The following MACF1 variants were observed in gnomAD, a reference collection of about 807,000 sequenced individuals.
MACF1 encodes the protein microtubule-actin cross-linking factor 1.
A neutral mutation model predicts 854.8 loss-of-function variants in MACF1; 193 were observed. The observed-to-expected ratio is 0.23, with a 90% CI of 0.20 to 0.25. The LOEUF is 0.25. Among genes scored for constraint, MACF1 ranks in the 10% least tolerant of loss-of-function variants. The probability of loss-of-function intolerance (pLI) is 1.00; values close to 1 mark genes in which losing one functional copy is unlikely to be tolerated. For missense variants in MACF1, 7,722 were observed against 8,929.1 expected (o/e 0.86, Z 5.45); for synonymous variants, 3,185 against 3,226.7 (o/e 0.99, Z 0.44).
At chr1:39,412,679 T>C in intron 58 of MACF1, 1 of 1,613,976 alleles carries the variant, frequency 6.2e-7, no homozygotes, top group Non-Finnish European at 8.5e-7. Flanking sequence ...TCAGATTCAT[T>C]CCTAAATATT....
In MACF1 at chr1:39,411,493, G is replaced by T. The variant is rs371254726; in HGVS notation, c.15817-10881G>T. 5.6e-6 allele frequency: 9 copies of T among 1,613,638 alleles called. No individual in the cohort carries two copies. The African/African-American group carries it at 1.1e-4, about 19-fold the overall frequency. ...GCCAGCCAAGGACCAGTTGGCTACT[G>T]TTCCCAAGGATATACCCCTGGATTG... On this transcript the variant is annotated intron_variant, in intron 58 of 100. Transcript: ENST00000564288.
At chr1:39,245,188 T>G (rs958517885) in intron 2 of MACF1, among the ~76,000 whole-genome samples, 1 of 152,250 alleles carries the variant, frequency 6.6e-6, no homozygotes, top group Non-Finnish European at 1.5e-5. Flanking sequence ...AAATTAACTT[T>G]ACATTTCAAG....
At chr1:39,302,161 T>C (rs1226228377) in intron 22 of MACF1, among the ~76,000 whole-genome samples, 1 of 152,110 alleles carries the variant, frequency 6.6e-6, no homozygotes, top group African/African-American at 2.4e-5. Flanking sequence ...TATACCCGGC[T>C]AATTTTTGTT....
In MACF1 at chr1:39,314,455, A is replaced by G. The variant is rs543929449; in HGVS notation, c.3271-1058A>G. 5.8e-4 allele frequency among the ~76,000 whole-genome samples: 88 copies of G among 151,296 alleles called. 1 individual carries two copies. The highest frequency in any genetic ancestry group is 2.1e-3 in the African/African-American group (87 of 41,262). ...TATATTTACAAATATATATATGCATACACACACACACACGTGTTACATATA... is the reference window on the plus strand; with the variant it reads ...TATATTTACAAATATATATATGCATGCACACACACACACGTGTTACATATA... On this transcript the variant is annotated intron_variant, in intron 26 of 100. Coordinates refer to ENST00000564288, the MANE Select transcript of MACF1 (RefSeq NM_001394062.1).
In MACF1 at chr1:39,336,501, G is replaced by C; in HGVS notation, c.9913G>C (p.Val3305Leu). Residue 3305 changes from valine to leucine, a missense_variant, in exon 37 of 101, where the codon GTG (valine) becomes CTG (leucine). By Grantham distance (32) the Val-to-Leu change is conservative. Around this residue, in one of 15 missense-constraint regions of MACF1, gnomAD observed 854 missense variants for 852.6 expected, o/e 1.00. Transcript: ENST00000564288. ...TCTAGAGACCAGTGAAGAAAAGACAGTGTCCCTAACAGTATGCTCTGCAGT... is the reference window on the plus strand; with the variant it reads ...TCTAGAGACCAGTGAAGAAAAGACACTGTCCCTAACAGTATGCTCTGCAGT... The part of the protein sequence containing the change: ...TVLETSEEKT[V>L]SLTVCSAVKT... 3 of 1,614,170 alleles carry C rather than the reference G, an allele frequency of 1.9e-6. No individual in the cohort carries two copies. Among genetic ancestry groups the C allele is most frequent in the Non-Finnish European group, 2.5e-6 (3 of 1,180,026 alleles).
intron 58 of MACF1, chr1:39,410,263 AG>A: frequency 6.4e-7 from 1 of 1,556,672 alleles, no homozygotes. Context: ...TGATTGAAAA[AG>A]GATGGGTAAG....
chr1:39,439,704 C>T, intron 72 of MACF1, among the ~76,000 whole-genome samples: 1 of 152,200 alleles, frequency 6.6e-6, no homozygotes, highest in Admixed American at 6.5e-5. Flanking sequence ...CTTCCAGGTT[C>T]AAGTGGTTCT....
chr1:39,186,832 A>C (rs1644180130), intron 2 of MACF1, among the ~76,000 whole-genome samples: 1 of 150,568 alleles, frequency 6.6e-6, no homozygotes, highest in Admixed American at 6.6e-5. Flanking sequence ...CTAGTCTCAA[A>C]CTCCTGGCCT....
Position 39,387,459 on chromosome 1 carries a change from C to T in MACF1, c.14617C>T (p.Leu4873=), listed in dbSNP as rs780296133. 2.5e-5 allele frequency: 41 copies of T among 1,614,006 alleles called. No homozygotes were observed. The highest frequency in any genetic ancestry group is 3.5e-5 in the Non-Finnish European group (41 of 1,180,038). Residue 4873 remains leucine (L), a synonymous_variant, in exon 58 of 101, where the codon CTA becomes TTA. Coordinates refer to ENST00000564288, the MANE Select transcript of MACF1 (RefSeq NM_001394062.1). The stretch of plus-strand genomic sequence containing the variant: ...ACCTCCTGGAGAAGAGAAAAGGACT[C>T]TACAAAACCAGTTGGTTGAGCTCAA... The part of the protein sequence containing the change: ...SVPPGEEKRT[L]QNQLVELKNH...
intron 2 of MACF1, among the ~76,000 whole-genome samples, chr1:39,135,394 A>G (rs1196008514): frequency 6.6e-6 from 1 of 152,044 alleles, no homozygotes; most frequent in Non-Finnish European, 1.5e-5. Context: ...TTACAGGTGC[A>G]TGCTACCATG....
chr1:39,119,036 T>C (rs1167124584), intron 2 of MACF1, among the ~76,000 whole-genome samples: 1 of 152,116 alleles, frequency 6.6e-6, no homozygotes, highest in Non-Finnish European at 1.5e-5. Context: ...ATAACAAGTG[T>C]TATAGGCCAC....
intron 14 of MACF1, among the ~76,000 whole-genome samples, chr1:39,286,099 G>A (rs1401538663): frequency 2.0e-5 from 3 of 151,798 alleles, no homozygotes; most frequent in African/African-American, 7.3e-5. Flanking sequence ...CTGCAGCCTC[G>A]ACTTCCTGGG....
At chr1:39,255,359 T>C (rs749137783) in intron 5 of MACF1, among the ~76,000 whole-genome samples, 10 of 152,058 alleles carry the variant, frequency 6.6e-5, no homozygotes, top group Non-Finnish European at 1.5e-4. Context: ...GATACAGAGA[T>C]GGTTTGTGGT....
rs1439730021 is a variant in MACF1, at chr1:39,205,090, C to T, written c.68C>T (p.Ala23Val). Residue 23 changes from alanine (A) to valine (V), a missense_variant, in exon 1 of 101, where the codon GCT becomes GTT. Physicochemically the swap from Ala to Val is moderately conservative, Grantham distance 64 (BLOSUM62 0). Coordinates refer to ENST00000564288, the MANE Select transcript of MACF1 (RefSeq NM_001394062.1). ...ATTTTGACTCACGTTCTTGGAGTTG[C>T]TGGTGTTCTATACTGGAAGAGGCAT... ...IFILTHVLGV[A>V]GVLYWKRHAR... The T allele has an allele frequency of 1.4e-6, 1 of 702,850 alleles. No individual in the cohort carries two copies. The highest frequency in any genetic ancestry group is 1.7e-5 in the African/African-American group (1 of 57,232). 43.5% of individuals were successfully genotyped at this position (702,850 alleles called of 1,614,324 possible). A position where few individuals can be genotyped will look rare whatever the true frequency, so the allele number is the denominator to read the frequency against.
chr1:39,181,011 T>C (rs1441179876), intron 2 of MACF1, among the ~76,000 whole-genome samples: 1 of 152,210 alleles, frequency 6.6e-6, no homozygotes, highest in Non-Finnish European at 1.5e-5. Flanking sequence ...GTTCAAGTGA[T>C]TCTTGTGCCA....
At chr1:39,116,883 C>G (rs1010200453) in intron 2 of MACF1, among the ~76,000 whole-genome samples, 6 of 152,116 alleles carry the variant, frequency 3.9e-5, no homozygotes, top group Non-Finnish European at 8.8e-5. Context: ...AACTCCAGGC[C>G]TAGCTTCTTC....
At chr1:39,375,736 T>C (rs777696037) in intron 52 of MACF1, among the ~76,000 whole-genome samples, 4 of 152,270 alleles carry the variant, frequency 2.6e-5, no homozygotes, top group Non-Finnish European at 5.9e-5. Context: ...TTTGATTGAA[T>C]TGAGCTAGAA....
Position 39,442,487 on chromosome 1 carries a change from C to G in MACF1, c.19024C>G (p.His6342Asp), listed in dbSNP as rs756356773. The G allele has an allele frequency of 6.2e-7, 1 of 1,614,210 alleles. No homozygotes were observed. The highest frequency in any genetic ancestry group is 8.5e-7 in the Non-Finnish European group (1 of 1,180,030). The change falls in exon 77 of 101, where the codon CAT (histidine) becomes GAT (aspartate). Residue 6342 changes from histidine (H) to aspartate (D), a missense_variant. Coordinates refer to ENST00000564288, the MANE Select transcript of MACF1 (RefSeq NM_001394062.1). ...ALEELMSWLT[H>D]TEELLDAQRP... The stretch of plus-strand genomic sequence containing the variant: ...AGAGGAACTAATGAGTTGGCTGACT[C>G]ATACCGAAGAGTTGTTAGATGCTCA...
Position 39,257,996 on chromosome 1 carries a change from G to A in MACF1, c.496G>A (p.Gly166Ser), listed in dbSNP as rs1488869153. ...AGATGGCAACCCCAAGTTGACCCTG[G>A]GTCTGATCTGGACCATTATTTTGCA... is the stretch of plus-strand genomic sequence containing the variant. ...ITDGNPKLTL[G>S]LIWTIILHFQ... The change falls in exon 6 of 101, where the codon GGT (glycine) becomes AGT (serine). Residue 166 changes from glycine (G) to serine (S), a missense_variant. Physicochemically the swap from Gly to Ser is moderately conservative, Grantham distance 56. Around this residue, in one of 15 missense-constraint regions of MACF1, gnomAD observed 108 missense variants for 196.4 expected, o/e 0.55. Transcript: ENST00000564288. 1 of 1,613,888 alleles carries A rather than the reference G, an allele frequency of 6.2e-7. No homozygotes were observed. Among genetic ancestry groups the A allele is most frequent in the African/African-American group, 1.3e-5 (1 of 74,874 alleles).
Sources: gnomAD v4.1 joint callset for allele counts (sites outside exome capture counted in the v4.1 genomes callset) on GRCh38, gnomAD v4.1.1 for gene constraint, gnomAD v4.1.1 regional missense constraint, MANE v1.5 for transcripts, NCBI Gene and HGNC (gene_info 2026-07-23, HGNC 2026-07-21) for gene names.